Variants in TEKT5 observed in about 807,000 individuals in gnomAD.
The protein encoded by TEKT5 is tektin-5.
Under a neutral mutation model 48.7 loss-of-function variants are expected in TEKT5, and 52 were observed. The ratio of observed to expected loss-of-function variants is 1.07; its 90% CI spans 0.86 to 1.35. The LOEUF (loss-of-function observed/expected upper bound fraction) is 1.35, where lower values mean the gene tolerates loss of function less well. Ranked by LOEUF, TEKT5 falls within the 40% of genes most tolerant of loss-of-function variation. The pLI is 0.00. For synonymous variants in TEKT5, 318 were observed against 267.6 expected, an observed-to-expected ratio of 1.19 and a Z score of -1.84; for missense variants, 831 against 641.6, an observed-to-expected ratio of 1.30 and a Z score of -3.19.
At chr16:10,673,182 T>C (rs955866592) in intron 5 of TEKT5, among the ~76,000 whole-genome samples, 9 of 152,068 alleles carry the variant, frequency 5.9e-5, no homozygotes, top group African/African-American at 2.2e-4. Context: ...AGATGGTGAG[T>C]GCAAATAAAC....
At chr16:10,677,123 C>T (rs1045102778) in intron 4 of TEKT5, among the ~76,000 whole-genome samples, 2 of 152,030 alleles carry the variant, frequency 1.3e-5, no homozygotes, top group African/African-American at 4.8e-5. Flanking sequence ...CCCAGGAGTC[C>T]GGGACTGCAG....
At chr16:10,690,977 C>A (rs1223757495) in intron 1 of TEKT5, among the ~76,000 whole-genome samples, 1 of 152,166 alleles carries the variant, frequency 6.6e-6, no homozygotes, top group Non-Finnish European at 1.5e-5. Flanking sequence ...GGGGATAGCA[C>A]AACGAACCAG....
At chr16:10,686,685 G>A (rs1237959400) in intron 3 of TEKT5, among the ~76,000 whole-genome samples, 4 of 152,138 alleles carry the variant, frequency 2.6e-5, no homozygotes, top group Non-Finnish European at 5.9e-5. Flanking sequence ...AATGGGAGAA[G>A]ATATTTGCAA....
chr16:10,682,246 G>T, intron 3 of TEKT5, 110 bp from the exon 4 acceptor site: 1 of 1,312,436 alleles, frequency 7.6e-7, no homozygotes, highest in Non-Finnish European at 1.1e-6. Context: ...AAGCCACCCA[G>T]TAGCTTCTCA....
intron 4 of TEKT5, 77 bp downstream of exon 4, chr16:10,681,916 G>A (rs1163851240): frequency 1.4e-5 from 21 of 1,551,458 alleles, no homozygotes; most frequent in East Asian, 6.8e-5. Flanking sequence ...ATGCCCCTTC[G>A]CCATTCGTTG....
At position 10,627,582 on chromosome 16, in the gene TEKT5, C is replaced by A. The variant is rs757500543; in HGVS notation, c.*1G>T. 2.4e-5 allele frequency: 38 copies of A among 1,613,942 alleles called. No homozygotes were observed. The highest frequency in any genetic ancestry group is 3.2e-5 in the Non-Finnish European group (38 of 1,179,924). On this transcript the variant is annotated 3_prime_UTR_variant, in exon 7 of 7. Coordinates refer to ENST00000283025, the MANE Select transcript of TEKT5 (RefSeq NM_144674.2). ...CGCGGAATGAGGCGCCAGGGCGGTG[C>A]TCAGGTGTGGCCCACCAGGCGCGGG...
intron 5 of TEKT5, among the ~76,000 whole-genome samples, chr16:10,665,801 G>C (rs1429420260): frequency 6.6e-6 from 1 of 152,224 alleles, no homozygotes; most frequent in Non-Finnish European, 1.5e-5. Context: ...CTGGTGCTAA[G>C]GTGGGCATCA....
At chr16:10,663,699 G>A (rs1482111213) in intron 5 of TEKT5, among the ~76,000 whole-genome samples, 1 of 152,188 alleles carries the variant, frequency 6.6e-6, no homozygotes, top group Non-Finnish European at 1.5e-5. Flanking sequence ...GCTGTCCTGT[G>A]CATTGGGGGC....
chr16:10,655,009 G>A (rs1363670891), intron 5 of TEKT5, among the ~76,000 whole-genome samples: 1 of 126,900 alleles, frequency 7.9e-6, no homozygotes, highest in Non-Finnish European at 1.6e-5. Context: ...GTTTTTTAAT[G>A]TAAGACAATA....
intron 5 of TEKT5, among the ~76,000 whole-genome samples, chr16:10,657,840 T>C (rs1397640753): frequency 6.6e-6 from 1 of 151,628 alleles, no homozygotes; most frequent in Non-Finnish European, 1.5e-5. Flanking sequence ...GACCTCGTGA[T>C]CCGCCCGGCT....
chr16:10,694,802 C>A lies in TEKT5; in HGVS notation c.72G>T (p.Leu24=). The stretch of plus-strand genomic sequence containing the variant: ...GGATCACTGGCGCCTGTACAGCTGG[C>A]AGTGAGGTCAAGCCACAGCATTTCT... ...GPKKCCGLTS[L]PAVQAPVIQE... The change falls in exon 1 of 7, where the codon CTG becomes CTT. Residue 24 remains leucine, a synonymous_variant. Coordinates refer to ENST00000283025, the MANE Select transcript of TEKT5 (RefSeq NM_144674.2). 6.2e-7 allele frequency: 1 copy of A among 1,611,324 alleles called. No individual in the cohort carries two copies.
rs117251453 is a variant in TEKT5 at position 10,684,886 on chromosome 16, C to A, written c.720-2750G>T. On this transcript the variant is annotated intron_variant, in intron 3 of 6. Coordinates refer to ENST00000283025, the MANE Select transcript of TEKT5 (RefSeq NM_144674.2). ...CACCTGGTGCAGCAAGGACCCCACC[C>A]TGCCCAGATGCGGGCCTCAGGCTTC... 2.2e-3 allele frequency among the ~76,000 whole-genome samples: 334 copies of A among 152,346 alleles called. 3 individuals are homozygous for A. In the East Asian group the frequency reaches 0.03, roughly 14 times the overall value.
intron 6 of TEKT5, among the ~76,000 whole-genome samples, chr16:10,632,955 C>G (rs1427698455): frequency 6.6e-6 from 1 of 151,958 alleles, no homozygotes; most frequent in Non-Finnish European, 1.5e-5. Context: ...TCCTTGCTTT[C>G]TGTCTGTCCT....
At chr16:10,673,729 C>G (rs1475080885) in intron 5 of TEKT5, among the ~76,000 whole-genome samples, 1 of 148,908 alleles carries the variant, frequency 6.7e-6, no homozygotes, top group Admixed American at 6.8e-5. Flanking sequence ...CGGCTCATTG[C>G]AACCTCTGCC....
chr16:10,682,892 T>C (rs1395113287), intron 3 of TEKT5, among the ~76,000 whole-genome samples: 1 of 152,214 alleles, frequency 6.6e-6, no homozygotes, highest in Non-Finnish European at 1.5e-5. Context: ...CAAAGCCTGA[T>C]GCAAGTCAAA....
intron 6 of TEKT5, 128 bp downstream of exon 6, chr16:10,635,636 A>G: frequency 7.2e-7 from 1 of 1,386,336 alleles, no homozygotes; most frequent in Non-Finnish European, 9.8e-7. Context: ...GAGTTGTGGG[A>G]CTGGATGTCC....
At chr16:10,660,705 T>G (rs1008731449) in intron 5 of TEKT5, among the ~76,000 whole-genome samples, 2 of 135,072 alleles carry the variant, frequency 1.5e-5, no homozygotes, top group African/African-American at 6.7e-5. Flanking sequence ...GTGTGTGTGT[T>G]ATTTATTTAT....
rs199869311 is a variant in TEKT5, at chr16:10,694,598, G to A, written c.276C>T (p.His92=). The change falls in exon 1 of 7, where the codon CAC becomes CAT. Residue 92 remains histidine, a synonymous_variant. Coordinates refer to ENST00000283025, the MANE Select transcript of TEKT5 (RefSeq NM_144674.2). ...GCAGCTGGTTGGACTGGTCCCAGTCGTGGGGGCTATAGCGAGAGAAGAGTG... is the reference window on the plus strand; with the variant it reads ...GCAGCTGGTTGGACTGGTCCCAGTCATGGGGGCTATAGCGAGAGAAGAGTG... ...RSALFSRYSP[H]DWDQSNQLQV... is the part of the protein sequence containing the mutation. 2.9e-5 allele frequency: 46 copies of A among 1,608,938 alleles called. No individual in the cohort carries two copies. In the Admixed American group the frequency reaches 3.9e-4, roughly 13 times the overall value.
chr16:10,675,849 C>T (rs1443884425), intron 5 of TEKT5, 110 bp downstream of exon 5: 1 of 1,076,178 alleles, frequency 9.3e-7, no homozygotes, highest in African/African-American at 1.6e-5. Flanking sequence ...AGAGAGGGTA[C>T]TGCTTTGGCA....
Sources: gnomAD v4.1 joint callset for allele counts (sites outside exome capture counted in the v4.1 genomes callset) on GRCh38, gnomAD v4.1.1 for gene constraint, MANE v1.5 for transcripts, NCBI Gene and HGNC (gene_info 2026-07-23, HGNC 2026-07-21) for gene names.